The following RFPL1 variants were observed in gnomAD, a reference collection of about 807,000 sequenced individuals.
RFPL1 encodes ret finger protein like 1.
A neutral mutation model predicts 9.6 loss-of-function variants in RFPL1; 6 were observed. The ratio of observed to expected loss-of-function variants is 0.62; its 90% CI spans 0.34 to 1.23. The LOEUF (loss-of-function observed/expected upper bound fraction) is 1.23. Among genes scored for constraint, RFPL1 ranks in the 50% most tolerant of loss-of-function variants. The pLI, the probability that RFPL1 is intolerant of heterozygous loss-of-function variation, is 0.03. For missense variants in RFPL1, 352 were observed against 398.4 expected, an observed-to-expected ratio of 0.88 and a Z score of 0.99; for synonymous variants, 145 against 149.4, an observed-to-expected ratio of 0.97 and a Z score of 0.22.
intron 1 of RFPL1, chr22:29,439,569 G>A (rs767928886): frequency 1.1e-5 from 2 of 184,562 alleles, no homozygotes; most frequent in Non-Finnish European, 2.3e-5. Flanking sequence ...GGGGGGCGGA[G>A]CTTGCAGTGA....
the RFPL1 span, among the ~76,000 whole-genome samples, chr22:29,430,519 C>A: frequency 1.3e-5 from 2 of 152,022 alleles, no homozygotes; most frequent in Non-Finnish European, 2.9e-5. Flanking sequence ...AATACTGTAA[C>A]TAACAAAACA....
chr22:29,421,812 C>T, the RFPL1 span, among the ~76,000 whole-genome samples: 1 of 151,870 alleles, frequency 6.6e-6, no homozygotes, highest in Non-Finnish European at 1.5e-5. Context: ...ACCCAGTACA[C>T]TTCAGTGTGG....
the RFPL1 span, among the ~76,000 whole-genome samples, chr22:29,417,945 T>G: frequency 6.0e-5 from 9 of 150,388 alleles, no homozygotes; most frequent in Admixed American, 3.3e-4. Flanking sequence ...ATGGTTTTTT[T>G]TTTTTTTTTT....
the RFPL1 span, among the ~76,000 whole-genome samples, chr22:29,410,563 T>G: frequency 1.1e-5 from 1 of 92,272 alleles, no homozygotes; most frequent in Non-Finnish European, 2.5e-5. Context: ...ATATTGTAGA[T>G]ATATATATTG....
At chr22:29,419,159 C>G in the RFPL1 span, 22 of 1,609,804 alleles carry the variant, frequency 1.4e-5, no homozygotes, top group Non-Finnish European at 1.9e-5. Context: ...ACACACCTGA[C>G]ATCTTTGCCC....
At chr22:29,428,317 C>A in the RFPL1 span, among the ~76,000 whole-genome samples, 1 of 152,164 alleles carries the variant, frequency 6.6e-6, no homozygotes, top group African/African-American at 2.4e-5. Context: ...GAGGATATAA[C>A]AATTATAAAT....
chr22:29,392,163 T>C, the RFPL1 span, among the ~76,000 whole-genome samples: 5 of 152,008 alleles, frequency 3.3e-5, no homozygotes, highest in Non-Finnish European at 7.4e-5. Context: ...CACTACAACC[T>C]CTGCCTCCCG....
chr22:29,431,839 C>T, the RFPL1 span, among the ~76,000 whole-genome samples: 1 of 151,742 alleles, frequency 6.6e-6, no homozygotes, highest in Non-Finnish European at 1.5e-5. Context: ...TACAGATGTG[C>T]GCCACCAAGC....
the RFPL1 span, among the ~76,000 whole-genome samples, chr22:29,391,310 C>T: frequency 7.2e-5 from 11 of 152,062 alleles, no homozygotes; most frequent in African/African-American, 1.2e-4. Context: ...TGTAGATGGC[C>T]GCCCTCTTGC....
At chr22:29,438,890 C>T in exon 1 of RFPL1, 1 of 1,614,020 alleles carries the variant, frequency 6.2e-7, no homozygotes, top group South Asian at 1.1e-5. Flanking sequence ...TGGCTGCACT[C>T]TTCCAAGAAG....
At position 29,438,724 on chromosome 22, in the gene RFPL1, G is replaced by A. The variant is rs1366284375; in HGVS notation, c.-68G>A. ...CTCTGAAGACGGGGGGTGGGGGGAT[G>A]TGCTTGAGTGTTTGTACTCATGGTC... On this transcript the variant is annotated 5_prime_UTR_variant, in exon 1 of 2. The change creates a new upstream start codon in the 5' untranslated region. Coordinates refer to ENST00000354373, the Ensembl canonical transcript of RFPL1. 66 of 1,569,330 alleles carry A rather than the reference G, an allele frequency of 4.2e-5. No individual in the cohort carries two copies. The highest frequency in any genetic ancestry group is 3.5e-6 in the Non-Finnish European group (4 of 1,158,152).
chr22:29,433,667 T>C (rs1305986167), upstream of RFPL1: 2 of 152,184 alleles, frequency 1.3e-5, no homozygotes, highest in African/African-American at 4.8e-5. Context: ...ACCTAAAATG[T>C]GTATGCCCAC....
chr22:29,432,850 C>T, the RFPL1 span: 2 of 152,212 alleles, frequency 1.3e-5, no homozygotes, highest in South Asian at 4.1e-4. Flanking sequence ...ACTGATATGT[C>T]TCTATGCATG....
At chr22:29,439,136 G>C in exon 1 of RFPL1, 1 of 1,614,174 alleles carries the variant, frequency 6.2e-7, no homozygotes, top group Non-Finnish European at 8.5e-7. Flanking sequence ...AGATTCTGCA[G>C]ATGAACCCAA....
chr22:29,404,168 A>C, the RFPL1 span, among the ~76,000 whole-genome samples: 3 of 151,874 alleles, frequency 2.0e-5, no homozygotes, highest in African/African-American at 7.3e-5. Flanking sequence ...ATGCGGTAAC[A>C]TACATGAAAG....
At position 29,439,072 on chromosome 22, in the gene RFPL1, G is replaced by A; in HGVS notation, c.281G>A (p.Trp94Ter). Residue 94 changes from tryptophan to a stop codon, truncating the protein, a stop_gained, in exon 1 of 2, where the codon TGG (tryptophan) becomes TAG (stop). Coordinates refer to ENST00000354373, the Ensembl canonical transcript of RFPL1. LOFTEE classifies it high-confidence loss of function. ...CAGAAGAACAAAATCAGGCCCAGTT[G>A]GCAGCTAGAGAGGCTGGCTTCCCAC... 6.2e-7 allele frequency: 1 copy of A among 1,614,138 alleles called. No individual in the cohort carries two copies.
chr22:29,428,756 G>T, the RFPL1 span, among the ~76,000 whole-genome samples: 1 of 152,138 alleles, frequency 6.6e-6, no homozygotes, highest in Non-Finnish European at 1.5e-5. Context: ...GGTCAATGAA[G>T]AAATGAAGAT....
chr22:29,410,496 T>C, the RFPL1 span, among the ~76,000 whole-genome samples: 1 of 109,262 alleles, frequency 9.2e-6, no homozygotes, highest in African/African-American at 3.8e-5. Flanking sequence ...TAGATATATA[T>C]CTATATATAG....
chr22:29,392,704 T>G, the RFPL1 span, among the ~76,000 whole-genome samples: 1 of 152,178 alleles, frequency 6.6e-6, no homozygotes, highest in Non-Finnish European at 1.5e-5. Flanking sequence ...AATCAGGAAC[T>G]GCAGAACAAC....
Sources: gnomAD v4.1 joint callset for allele counts (sites outside exome capture counted in the v4.1 genomes callset) on GRCh38, gnomAD v4.1.1 for gene constraint, MANE v1.5 for transcripts, NCBI Gene and HGNC (gene_info 2026-07-23, HGNC 2026-07-21) for gene names.